Variants in SPECC1 observed in about 807,000 individuals in gnomAD.
The protein encoded by SPECC1 is sperm antigen with calponin homology and coiled-coil domains 1, also known as cytospin-B.
In SPECC1, 62 loss-of-function variants were observed where a neutral mutation model predicts 104.1. The ratio of observed to expected loss-of-function variants is 0.60; its 90% confidence interval spans 0.49 to 0.74. SPECC1 has a LOEUF of 0.74. Ranked by LOEUF, SPECC1 falls within the 30% of genes least tolerant of loss-of-function variation. SPECC1 has a pLI of 0.00. For synonymous variants in SPECC1, 513 were observed against 501.6 expected (o/e 1.02, Z -0.30); for missense variants, 1,306 against 1,310.5 (o/e 1.00, Z 0.05).
chr17:20,260,146 A>G (rs766765570), intron 11 of SPECC1, 46 bp from the exon 12 acceptor site: 13 of 1,449,260 alleles, frequency 9.0e-6, no homozygotes, highest in Admixed American at 1.9e-5. Context: ...TGAGAATTCT[A>G]AGTATTAGCA....
At chr17:20,090,004 G>A (rs759727248) in intron 1 of SPECC1, among the ~76,000 whole-genome samples, 1 of 152,244 alleles carries the variant, frequency 6.6e-6, no homozygotes, top group Non-Finnish European at 1.5e-5. Flanking sequence ...GCAGATGCCA[G>A]GAGGCTGCCC....
rs922260643 is a variant in SPECC1, at chr17:20,315,426, C to G, written c.*1361C>G. 3 of 232,740 alleles carry G rather than the reference C, an allele frequency of 1.3e-5. No individual in the cohort carries two copies. The highest frequency in any genetic ancestry group is 6.1e-5 in the East Asian group (1 of 16,522). The allele number at this position is 232,740 out of a possible 1,614,324, so 14.4% of individuals were successfully genotyped here. A position where few individuals can be genotyped will look rare whatever the true frequency, so the allele number is the denominator to read the frequency against. ...GCCCATCTGGTGGCTCTGCCGTGTT[C>G]TTCTGGGCGGATCTGTGTGCACTAC... On this transcript the variant is annotated 3_prime_UTR_variant, in exon 15 of 15. Transcript: ENST00000395527.
At chr17:20,169,793 G>A (rs558852788) in intron 3 of SPECC1, among the ~76,000 whole-genome samples, 3 of 152,154 alleles carry the variant, frequency 2.0e-5, no homozygotes, top group African/African-American at 4.8e-5. Flanking sequence ...ATGAGCCACC[G>A]CTCATGGCCA....
At chr17:20,119,000 A>G (rs536297944) in intron 3 of SPECC1, among the ~76,000 whole-genome samples, 1 of 152,332 alleles carries the variant, frequency 6.6e-6, no homozygotes, top group Non-Finnish European at 1.5e-5. Context: ...CCATGCCCCA[A>G]GGGGCATTGG....
rs529594837 is a variant in SPECC1, at chr17:20,291,264, G to C, written c.2941-5697G>C. ...TAGAATCTGCCCTCTCCCACCCTCA[G>C]CCTTTCCTTTCACTCTTGTCGAAGA... On this transcript the variant is annotated intron_variant, in intron 12 of 14. Coordinates refer to ENST00000395527, the MANE Select transcript of SPECC1 (RefSeq NM_001243439.2). Among the ~76,000 whole-genome samples the C allele has an allele frequency of 2.0e-5, 3 of 152,328 alleles. No individual in the cohort carries two copies. The East Asian group carries it at 5.8e-4, about 29-fold the overall frequency.
intron 3 of SPECC1, among the ~76,000 whole-genome samples, chr17:20,183,865 A>T (rs1018803606): frequency 6.6e-6 from 1 of 152,082 alleles, no homozygotes; most frequent in African/African-American, 2.4e-5. Flanking sequence ...TTCTTATGAA[A>T]TTTTATTAAA....
intron 1 of SPECC1, among the ~76,000 whole-genome samples, chr17:20,025,032 A>G (rs935526586): frequency 7.9e-5 from 12 of 152,234 alleles, no homozygotes; most frequent in Admixed American, 2.6e-4. Flanking sequence ...TAAAATGACT[A>G]TAAGTTTAGC....
chr17:20,095,364 A>G (rs756456050), intron 1 of SPECC1, among the ~76,000 whole-genome samples: 1 of 152,236 alleles, frequency 6.6e-6, no homozygotes, highest in Non-Finnish European at 1.5e-5. Flanking sequence ...TGGAAAACAA[A>G]TTACGCCGCC....
Position 20,096,766 on chromosome 17 carries a change from A to C in SPECC1, c.115A>C (p.Thr39Pro). ...CGGCATGAAGAGTTCTAAGTCTTCA[A>C]CTTCCTTGGCTTTTGAGTCCCGACT... ...SSGMKSSKSS[T>P]SLAFESRLSR... The change falls in exon 2 of 15, where the codon ACT becomes CCT. Residue 39 changes from threonine to proline, a missense_variant. Thr to Pro is a conservative substitution (Grantham distance 38). Transcript: ENST00000395527. 1 of 1,614,118 alleles carries C rather than the reference A, an allele frequency of 6.2e-7. No homozygotes were observed. The highest frequency in any genetic ancestry group is 8.5e-7 in the Non-Finnish European group (1 of 1,179,956).
intron 13 of SPECC1, among the ~76,000 whole-genome samples, chr17:20,301,248 G>A (rs947344156): frequency 3.4e-4 from 52 of 152,094 alleles, no homozygotes; most frequent in African/African-American, 1.2e-3. Context: ...AGCAGAGAGG[G>A]GAAAGAGCAG....
At chr17:20,298,976 TAGAG>T (rs146031063) in intron 13 of SPECC1, among the ~76,000 whole-genome samples, 2 of 77,352 alleles carry the variant, frequency 2.6e-5, no homozygotes, top group Non-Finnish European at 4.7e-5. Context: ...TGTGTGTATG[TAGAG>T]AGAGAGAGAG....
chr17:20,283,154 A>C (rs1055700278), intron 12 of SPECC1, among the ~76,000 whole-genome samples: 12 of 152,250 alleles, frequency 7.9e-5, no homozygotes. Flanking sequence ...ATTGCACTCC[A>C]ACCTGGGCAG....
chr17:20,068,134 A>G (rs191814849), intron 1 of SPECC1, among the ~76,000 whole-genome samples: 4 of 152,060 alleles, frequency 2.6e-5, no homozygotes, highest in South Asian at 2.1e-4. Context: ...CCTGGTTTGT[A>G]TTTTTGGTAG....
At chr17:20,029,993 C>A (rs1289934523) in intron 1 of SPECC1, among the ~76,000 whole-genome samples, 1 of 152,096 alleles carries the variant, frequency 6.6e-6, no homozygotes, top group Non-Finnish European at 1.5e-5. Context: ...CTGAGAACCA[C>A]TGGAAGCTGG....
intron 12 of SPECC1, among the ~76,000 whole-genome samples, chr17:20,265,135 A>AT (rs1371796107): frequency 6.6e-6 from 1 of 152,190 alleles, no homozygotes; most frequent in African/African-American, 2.4e-5. Context: ...ATACCTAGTC[A>AT]TGGGATTGCT....
At chr17:20,031,997 C>A (rs1233874892) in intron 1 of SPECC1, among the ~76,000 whole-genome samples, 1 of 152,132 alleles carries the variant, frequency 6.6e-6, no homozygotes, top group Non-Finnish European at 1.5e-5. Context: ...TGGTTTCAAT[C>A]CTTTTGGATG....
At chr17:20,287,993 A>G (rs187270470) in intron 12 of SPECC1, among the ~76,000 whole-genome samples, 1 of 136,716 alleles carries the variant, frequency 7.3e-6, no homozygotes, top group Non-Finnish European at 1.5e-5. Flanking sequence ...GTTTCTCTCC[A>G]TGTGTCCATG....
At chr17:20,219,166 C>T (rs2037701207) in intron 4 of SPECC1, among the ~76,000 whole-genome samples, 2 of 152,174 alleles carry the variant, frequency 1.3e-5, no homozygotes, top group African/African-American at 4.8e-5. Context: ...GGTGTATACC[C>T]AGCAGTGTGA....
chr17:20,159,992 A>G (rs1380386599), intron 3 of SPECC1, among the ~76,000 whole-genome samples: 10 of 152,214 alleles, frequency 6.6e-5, no homozygotes, highest in Non-Finnish European at 2.9e-5. Context: ...AAAGGTGCCC[A>G]AAGTGTTAAA....
Sources: gnomAD v4.1 joint callset for allele counts (sites outside exome capture counted in the v4.1 genomes callset) on GRCh38, gnomAD v4.1.1 for gene constraint, MANE v1.5 for transcripts, NCBI Gene and HGNC (gene_info 2026-07-23, HGNC 2026-07-21) for gene names.